Variants in ANKRD10 observed in about 807,000 individuals in gnomAD.
ANKRD10 encodes ankyrin repeat domain-containing protein 10.
Under a neutral mutation model 27.0 loss-of-function variants are expected in ANKRD10, and 14 were observed. That is an observed-to-expected ratio of 0.52 (90% CI 0.34 to 0.81). ANKRD10 has a LOEUF of 0.81. ANKRD10 is among the 40% of genes least tolerant of loss of function. The probability of loss-of-function intolerance (pLI) is 0.01; values close to 1 mark genes in which losing one functional copy is unlikely to be tolerated. For missense variants in ANKRD10, 493 were observed against 544.0 expected (o/e 0.91, Z 0.93); for synonymous variants, 250 against 224.5 (o/e 1.11, Z -1.01).
At chr13:110,897,690 G>A (rs75301542) in intron 3 of ANKRD10, among the ~76,000 whole-genome samples, 6,334 of 152,116 alleles carry the variant, frequency 0.042, 238 homozygotes, top group South Asian at 0.083. Flanking sequence ...CTCCATATAT[G>A]GATTTTCTTT....
chr13:110,890,306 C>A (rs1212521787), intron 4 of ANKRD10, among the ~76,000 whole-genome samples: 1 of 151,992 alleles, frequency 6.6e-6, no homozygotes, highest in Non-Finnish European at 1.5e-5. Flanking sequence ...TTTTAATGAC[C>A]AAGAATGACT....
intron 3 of ANKRD10, among the ~76,000 whole-genome samples, chr13:110,899,828 CAAA>C (rs11307438): frequency 3.2e-4 from 48 of 150,386 alleles, no homozygotes; most frequent in African/African-American, 1.1e-3. Context: ...AAGTAACTTG[CAAA>C]AAAAAAAAAT....
At chr13:110,896,128 G>A (rs994323070) in intron 3 of ANKRD10, among the ~76,000 whole-genome samples, 1 of 152,184 alleles carries the variant, frequency 6.6e-6, no homozygotes, top group African/African-American at 2.4e-5. Context: ...ATGATGGGGA[G>A]GTGAAAAAGT....
intron 1 of ANKRD10, among the ~76,000 whole-genome samples, chr13:110,913,239 G>A (rs1044789087): frequency 6.6e-6 from 1 of 152,154 alleles, no homozygotes; most frequent in Non-Finnish European, 1.5e-5. Context: ...GGGTAGAAAG[G>A]ACAGAATCCT....
At chr13:110,906,857 CAG>C (rs946631913) in intron 2 of ANKRD10, among the ~76,000 whole-genome samples, 7 of 152,030 alleles carry the variant, frequency 4.6e-5, no homozygotes, top group African/African-American at 1.7e-4. Flanking sequence ...GAAGCACACA[CAG>C]AGGCAGAGAA....
chr13:110,901,718 C>G (rs1418833510), intron 3 of ANKRD10, among the ~76,000 whole-genome samples: 1 of 152,068 alleles, frequency 6.6e-6, no homozygotes, highest in Admixed American at 6.5e-5. Flanking sequence ...GGAAAATAGC[C>G]AAGACCAGAC....
At chr13:110,882,510 C>A (rs2064839082) in intron 5 of ANKRD10, among the ~76,000 whole-genome samples, 1 of 152,144 alleles carries the variant, frequency 6.6e-6, no homozygotes, top group African/African-American at 2.4e-5. Flanking sequence ...AAAGTATGTT[C>A]CAGCTTGGAT....
At chr13:110,892,415 G>GAAAA (rs1381734881) in intron 4 of ANKRD10, among the ~76,000 whole-genome samples, 27 of 2,552 alleles carry the variant, frequency 0.011, no homozygotes, top group Non-Finnish European at 0.012. Context: ...GGGTGACAGA[G>GAAAA]CAAAAAAAAA....
At chr13:110,897,135 G>A (rs1244132491) in intron 3 of ANKRD10, among the ~76,000 whole-genome samples, 1 of 151,846 alleles carries the variant, frequency 6.6e-6, no homozygotes, top group African/African-American at 2.4e-5. Flanking sequence ...AGTAACCACT[G>A]TTTTTTAAAG....
chr13:110,883,856 C>T lies in ANKRD10; in HGVS notation c.692-63G>A. On this transcript the variant is annotated intron_variant, in intron 4 of 5. Transcript: ENST00000267339. ...CTGTAACAAGATAAGTGTTCAGACA[C>T]ACAGTTTACATTATTTTGTGTGAGC... The T allele has an allele frequency of 3.3e-6, 5 of 1,525,622 alleles. No homozygotes were observed. In the South Asian group the frequency reaches 5.8e-5, roughly 18 times the overall value. 94.5% of individuals were successfully genotyped at this position (1,525,622 alleles called of 1,614,324 possible).
At chr13:110,898,764 T>C (rs2065300868) in intron 3 of ANKRD10, among the ~76,000 whole-genome samples, 1 of 146,064 alleles carries the variant, frequency 6.8e-6, no homozygotes. Context: ...TTTTTTTTTT[T>C]TTTTTTTTGA....
At chr13:110,897,378 A>G (rs189887448) in intron 3 of ANKRD10, among the ~76,000 whole-genome samples, 85 of 146,796 alleles carry the variant, frequency 5.8e-4, no homozygotes, top group Non-Finnish European at 9.5e-4. Flanking sequence ...CCCACCTCAG[A>G]CTCCTAAAGC....
chr13:110,892,798 C>T (rs975298114), intron 4 of ANKRD10: 4 of 1,269,862 alleles, frequency 3.1e-6, no homozygotes, highest in Non-Finnish European at 4.0e-6. Flanking sequence ...AAAAGTTCCA[C>T]ATAGACATTT....
In ANKRD10 at chr13:110,897,515, A is replaced by G. The variant is rs978594380; in HGVS notation, c.456-4252T>C. ...ACTTAACATAATGTCTTCTAAGATC[A>G]TACATGTTGCTGAGAATAACAGAAT... is the stretch of plus-strand genomic sequence containing the variant. On this transcript the variant is annotated intron_variant, in intron 3 of 5. Coordinates refer to ENST00000267339, the MANE Select transcript of ANKRD10 (RefSeq NM_017664.4). Among the ~76,000 whole-genome samples the G allele has an allele frequency of 4.6e-5, 7 of 152,110 alleles. No homozygotes were observed. In the East Asian group the frequency reaches 1.3e-3, roughly 29 times the overall value.
At chr13:110,883,471 T>G (rs1594532979) in intron 5 of ANKRD10, 2 of 1,259,910 alleles carry the variant, frequency 1.6e-6, no homozygotes, top group East Asian at 3.1e-5. Flanking sequence ...ATGCAAATTA[T>G]AGTATAACAT....
intron 4 of ANKRD10, among the ~76,000 whole-genome samples, chr13:110,887,549 G>A (rs1351816388): frequency 6.6e-6 from 1 of 152,070 alleles, no homozygotes; most frequent in East Asian, 1.9e-4. Flanking sequence ...AAACCAAAAA[G>A]CACTCTATAA....
At chr13:110,882,016 G>A (rs750579051) in intron 5 of ANKRD10, among the ~76,000 whole-genome samples, 8 of 151,950 alleles carry the variant, frequency 5.3e-5, no homozygotes, top group Non-Finnish European at 8.8e-5. Flanking sequence ...CGGATCCCAC[G>A]AACATCCAAA....
At chr13:110,898,438 T>C (rs2065286723) in intron 3 of ANKRD10, among the ~76,000 whole-genome samples, 1 of 152,244 alleles carries the variant, frequency 6.6e-6, no homozygotes, top group African/African-American at 2.4e-5. Context: ...CAGTAGGAGT[T>C]GAGCACGTAA....
Position 110,910,712 on chromosome 13 carries a change from C to T in ANKRD10, c.269G>A (p.Arg90Gln), listed in dbSNP as rs771405371. Residue 90 changes from arginine (R) to glutamine (Q), a missense_variant, in exon 2 of 6, where the codon CGG becomes CAG. Arg to Gln is a conservative substitution (Grantham distance 43). Transcript: ENST00000267339. ...AATGTGGGCTGGCGTCTGCGCGTAC[C>T]GTGTGGTGGAGACGTTGAGTGTGGC... is the stretch of plus-strand genomic sequence containing the variant. The part of the protein sequence containing the change: ...AGATLNVSTT[R>Q]YAQTPAHIAA... The T allele has an allele frequency of 2.5e-6, 4 of 1,614,138 alleles. No individual in the cohort carries two copies. The highest frequency in any genetic ancestry group is 1.1e-5 in the South Asian group (1 of 91,080).
Sources: gnomAD v4.1 joint callset for allele counts (sites outside exome capture counted in the v4.1 genomes callset) on GRCh38, gnomAD v4.1.1 for gene constraint, MANE v1.5 for transcripts, NCBI Gene and HGNC (gene_info 2026-07-23, HGNC 2026-07-21) for gene names.